Variants in ECE1 observed in about 807,000 individuals in gnomAD.
ECE1 encodes the protein endothelin-converting enzyme 1.
In ECE1, 35 loss-of-function variants were observed where a neutral mutation model predicts 98.6. That is an observed-to-expected ratio of 0.35 (90% CI 0.27 to 0.47). The LOEUF is 0.47. Among genes scored for constraint, ECE1 ranks in the 20% least tolerant of loss-of-function variants. The pLI, the probability that ECE1 is intolerant of heterozygous loss-of-function variation, is 1.00. For synonymous variants in ECE1, 394 were observed against 407.1 expected (o/e 0.97, Z 0.39); for missense variants, 814 against 1,025.3 (o/e 0.79, Z 2.81).
chr1:21,343,201 C>T (rs761570902), intron 1 of ECE1, among the ~76,000 whole-genome samples: 1 of 152,202 alleles, frequency 6.6e-6, no homozygotes, highest in Non-Finnish European at 1.5e-5. Flanking sequence ...AGTCTGAGGA[C>T]CAGTGCAGAC....
At chr1:21,247,100 C>A in intron 9 of ECE1, 121 bp downstream of exon 9, 1 of 1,415,398 alleles carries the variant, frequency 7.1e-7, no homozygotes, top group Non-Finnish European at 9.9e-7. Context: ...TGCTGCCTCT[C>A]GTAAAAGCCC....
At position 21,247,275 on chromosome 1, in the gene ECE1, T is replaced by A; in HGVS notation, c.1109A>T (p.Tyr370Phe). The change falls in exon 9 of 19, where the codon TAT (tyrosine) becomes TTT (phenylalanine). Residue 370 changes from tyrosine (Y) to phenylalanine (F), a missense_variant. Tyr to Phe is a conservative substitution (Grantham distance 22). This residue lies in a region of ECE1 where 452 missense variants were observed against 567.3 expected (regional missense o/e 0.80). Coordinates refer to ENST00000374893, the MANE Select transcript of ECE1 (RefSeq NM_001397.3). Reference protein sequence around the residue: ...EINESEPIVVYDKEYLEQIST... With the variant: ...EINESEPIVVFDKEYLEQIST... ...GATCTGCTCAAGGTATTCCTTGTCA[T>A]AGACCACAATAGGCTCGGATTCATT... is the stretch of plus-strand genomic sequence containing the variant. 6.2e-7 allele frequency: 1 copy of A among 1,613,952 alleles called. No individual in the cohort carries two copies. Among genetic ancestry groups the A allele is most frequent in the African/African-American group, 1.3e-5 (1 of 74,970 alleles).
At chr1:21,293,507 G>T (rs1337965670), upstream of ECE1, 2 of 152,158 alleles carry the variant, frequency 1.3e-5, no homozygotes, top group Non-Finnish European at 2.9e-5. Context: ...AGGGAGGCCG[G>T]AAGCCACCCC....
intron 4 of ECE1, among the ~76,000 whole-genome samples, chr1:21,270,449 G>C (rs935485488): frequency 3.9e-5 from 6 of 152,238 alleles, no homozygotes; most frequent in African/African-American, 1.4e-4. Flanking sequence ...GTGTGGGACA[G>C]AGGAAAGGGC....
intron 4 of ECE1, among the ~76,000 whole-genome samples, chr1:21,271,614 G>A (rs998076227): frequency 6.6e-6 from 1 of 152,148 alleles, no homozygotes; most frequent in Non-Finnish European, 1.5e-5. Flanking sequence ...CCCAGCTGTG[G>A]GAGGGTTAAG....
intron 1 of ECE1, among the ~76,000 whole-genome samples, chr1:21,317,963 C>T (rs976560007): frequency 2.0e-5 from 3 of 152,196 alleles, no homozygotes; most frequent in Non-Finnish European, 2.9e-5. Flanking sequence ...AGAGCCACCG[C>T]GATCTCTTTC....
At chr1:21,304,668 G>A (rs1218388135) in intron 1 of ECE1, among the ~76,000 whole-genome samples, 1 of 152,160 alleles carries the variant, frequency 6.6e-6, no homozygotes, top group Non-Finnish European at 1.5e-5. Context: ...TTACTGGAAG[G>A]GCACATGAGG....
In ECE1 at chr1:21,290,299, C is replaced by T. The variant is rs2098265317; in HGVS notation, c.51+65G>A. 7.2e-6 allele frequency: 9 copies of T among 1,241,708 alleles called. No individual in the cohort carries two copies. Among genetic ancestry groups the T allele is most frequent in the South Asian group, 3.2e-5 (1 of 31,662 alleles). 76.9% of individuals were successfully genotyped at this position (1,241,708 alleles called of 1,614,324 possible). A position where few individuals can be genotyped will look rare whatever the true frequency, so the allele number is the denominator to read the frequency against. ...CCGAGACCGAGACCGGCCCACGGAG[C>T]GGCCCGCGCGGGGAGGGGTCCCGCC... is the stretch of plus-strand genomic sequence containing the variant. On this transcript the variant is annotated intron_variant, in intron 1 of 18. Transcript: ENST00000374893. The surrounding 1 kb of genome is among the most constrained non-coding windows in gnomAD (Gnocchi z 7.3).
chr1:21,242,411 G>A (rs2098197725), intron 10 of ECE1, among the ~76,000 whole-genome samples: 1 of 152,188 alleles, frequency 6.6e-6, no homozygotes, highest in African/African-American at 2.4e-5. Flanking sequence ...GGTCAGGAGT[G>A]ATCTCCAATT....
chr1:21,323,980 C>T (rs1019930284), intron 1 of ECE1, among the ~76,000 whole-genome samples: 7 of 151,880 alleles, frequency 4.6e-5, no homozygotes, highest in East Asian at 3.9e-4. Flanking sequence ...CCACCATGCC[C>T]GGCTAATTTT....
intron 1 of ECE1, among the ~76,000 whole-genome samples, chr1:21,295,709 G>A (rs1034376469): frequency 5.3e-5 from 8 of 152,094 alleles, no homozygotes; most frequent in Admixed American, 2.0e-4. Context: ...TGTTTTCCGT[G>A]ATTCTGATTT....
chr1:21,308,831 C>T (rs946729563), intron 1 of ECE1, among the ~76,000 whole-genome samples: 1 of 152,188 alleles, frequency 6.6e-6, no homozygotes, highest in Non-Finnish European at 1.5e-5. Context: ...CCCTCCCCTT[C>T]CTGCCTGCCC....
chr1:21,345,285 C>T lies in ECE1; in HGVS notation c.3+91G>A. On this transcript the variant is annotated intron_variant, in intron 1 of 18. Transcript: ENST00000415912. The surrounding 1 kb of genome is among the most constrained non-coding windows in gnomAD (Gnocchi z 5.1). ...AGCCGGCGCCCAGCCCCCCGCGAGC[C>T]AGGGCGGCCCCGGGTGCCACCCGCG... 7.9e-7 allele frequency: 1 copy of T among 1,266,756 alleles called. No individual in the cohort carries two copies. The highest frequency in any genetic ancestry group is 2.4e-5 in the South Asian group (1 of 41,136). The allele number at this position is 1,266,756 out of a possible 1,614,324, so 78.5% of individuals were successfully genotyped here.
chr1:21,312,685 T>A (rs546782150), intron 1 of ECE1, among the ~76,000 whole-genome samples: 1 of 152,148 alleles, frequency 6.6e-6, no homozygotes. Flanking sequence ...TGTGCTGTCC[T>A]GTCACTGAGA....
At chr1:21,249,473 A>T (rs2103268024) in intron 8 of ECE1, among the ~76,000 whole-genome samples, 1 of 152,084 alleles carries the variant, frequency 6.6e-6, no homozygotes, top group East Asian at 1.9e-4. Context: ...AGGTGGGCAG[A>T]TCGCTTGAGC....
At chr1:21,229,043 G>A (rs927010264) in intron 14 of ECE1, among the ~76,000 whole-genome samples, 7 of 151,778 alleles carry the variant, frequency 4.6e-5, no homozygotes, top group African/African-American at 9.7e-5. Context: ...GGGTTTCACC[G>A]TGTTAGCCAG....
At chr1:21,257,701 G>A in intron 6 of ECE1, 111 bp from the exon 7 acceptor site, 2 of 1,148,770 alleles carry the variant, frequency 1.7e-6, no homozygotes, top group Non-Finnish European at 2.6e-6. Context: ...CCCAGCTCAG[G>A]CCCTTGGAGA....
chr1:21,327,602 C>A lies in ECE1; in HGVS notation c.3+17774G>T, dbSNP rs1433517006. On this transcript the variant is annotated intron_variant, in intron 1 of 18. Coordinates refer to the ECE1 transcript ENST00000415912. This position sits in a 1 kb window ranked among gnomAD's most constrained non-coding sequence, Gnocchi z 4.6. ...TTTGCCTTTTCTTACTTTGAGGGCA[C>A]AAATGGAGTCTTTTGGTATAGAGGA... Among the ~76,000 whole-genome samples the A allele has an allele frequency of 1.3e-5, 2 of 152,200 alleles. No homozygotes were observed. Among genetic ancestry groups the A allele is most frequent in the Non-Finnish European group, 1.5e-5 (1 of 68,042 alleles).
intron 1 of ECE1, among the ~76,000 whole-genome samples, chr1:21,336,335 CATGCCACTGT>C (rs1174769079): frequency 1.3e-5 from 2 of 152,106 alleles, no homozygotes; most frequent in South Asian, 4.1e-4. Flanking sequence ...GAGCTGTGTT[CATGCCACTGT>C]ACTCCAGCCT....
Sources: gnomAD v4.1 joint callset for allele counts (sites outside exome capture counted in the v4.1 genomes callset) on GRCh38, gnomAD v4.1.1 for gene constraint, gnomAD v4.1.1 regional missense constraint, Gnocchi (gnomAD v3.1) non-coding constraint, MANE v1.5 for transcripts, NCBI Gene and HGNC (gene_info 2026-07-23, HGNC 2026-07-21) for gene names.